Variants in CADPS2 observed in about 807,000 individuals in gnomAD.
The protein encoded by CADPS2 is calcium-dependent secretion activator 2.
Under a neutral mutation model 172.5 loss-of-function variants are expected in CADPS2, and 93 were observed. The ratio of observed to expected loss-of-function variants is 0.54; its 90% CI spans 0.46 to 0.64. The LOEUF is 0.64. CADPS2 is among the 30% of genes least tolerant of loss of function. The pLI is 0.00. For missense variants in CADPS2, 1,420 were observed against 1,565.9 expected, an observed-to-expected ratio of 0.91 and a Z score of 1.57; for synonymous variants, 546 against 555.2, an observed-to-expected ratio of 0.98 and a Z score of 0.23.
At chr7:122,732,640 C>A (rs1220023546) in intron 2 of CADPS2, among the ~76,000 whole-genome samples, 3 of 144,272 alleles carry the variant, frequency 2.1e-5, no homozygotes, top group Non-Finnish European at 3.0e-5. Flanking sequence ...GTGGGGGTGT[C>A]TTTGTAATAT....
chr7:122,487,249 A>AT (rs897283203), intron 11 of CADPS2, among the ~76,000 whole-genome samples: 7 of 151,886 alleles, frequency 4.6e-5, no homozygotes, highest in Non-Finnish European at 8.8e-5. Context: ...AACTGAAGAG[A>AT]TCCCCCCCAC....
intron 14 of CADPS2, among the ~76,000 whole-genome samples, chr7:122,453,282 A>G (rs987840490): frequency 1.3e-5 from 2 of 152,164 alleles, no homozygotes; most frequent in Admixed American, 6.5e-5. Context: ...CATAAATTAC[A>G]AAGCAGTGCA....
intron 17 of CADPS2, among the ~76,000 whole-genome samples, chr7:122,434,840 G>T (rs2050428438): frequency 1.3e-5 from 2 of 151,654 alleles, no homozygotes; most frequent in Non-Finnish European, 2.9e-5. Flanking sequence ...TTATTTAATA[G>T]CATTTATGCT....
chr7:122,570,033 G>C (rs1192647091), intron 7 of CADPS2, among the ~76,000 whole-genome samples: 2 of 150,210 alleles, frequency 1.3e-5, no homozygotes, highest in Admixed American at 6.6e-5. Context: ...TTGACAAATG[G>C]GATCTAATTA....
chr7:122,583,084 GA>G (rs879830017), intron 6 of CADPS2, among the ~76,000 whole-genome samples: 32 of 142,238 alleles, frequency 2.2e-4, no homozygotes, highest in Admixed American at 6.3e-4. Context: ...GAATGCGGAG[GA>G]AAAAAAAAAA....
intron 28 of CADPS2, among the ~76,000 whole-genome samples, chr7:122,339,308 T>C (rs1377038552): frequency 1.3e-5 from 2 of 152,140 alleles, no homozygotes; most frequent in Non-Finnish European, 2.9e-5. Flanking sequence ...AACTGTGTAT[T>C]GTGAAAGTTC....
chr7:122,866,053 G>GTGACTGGGAAT (rs777272774), intron 1 of CADPS2, among the ~76,000 whole-genome samples: 1 of 152,214 alleles, frequency 6.6e-6, no homozygotes, highest in Non-Finnish European at 1.5e-5. Context: ...TTCTGGGAAT[G>GTGACTGGGAAT]TGACTGGGAA....
At chr7:122,662,460 C>CCG (rs2080702768) in intron 3 of CADPS2, among the ~76,000 whole-genome samples, 1 of 151,522 alleles carries the variant, frequency 6.6e-6, no homozygotes, top group African/African-American at 2.4e-5. Flanking sequence ...ACTGCAACCT[C>CCG]CGCCTCCCAG....
intron 1 of CADPS2, among the ~76,000 whole-genome samples, chr7:122,743,281 T>TA (rs1366531481): frequency 1.3e-5 from 2 of 152,204 alleles, no homozygotes; most frequent in South Asian, 2.1e-4. Context: ...AAAAAACACT[T>TA]AGATTCTAGG....
chr7:122,724,840 T>G (rs977615620), intron 2 of CADPS2, among the ~76,000 whole-genome samples: 1 of 152,076 alleles, frequency 6.6e-6, no homozygotes, highest in African/African-American at 2.4e-5. Context: ...ATGAACCTTT[T>G]GGCAGTCTGT....
At chr7:122,360,630 C>T (rs921858933) in intron 27 of CADPS2, among the ~76,000 whole-genome samples, 158 bp downstream of exon 27, 18 of 152,060 alleles carry the variant, frequency 1.2e-4, no homozygotes, top group Non-Finnish European at 2.5e-4. Flanking sequence ...AATAACCTTG[C>T]TATGTCTTGT....
At chr7:122,484,449 T>C (rs1285374783) in intron 11 of CADPS2, among the ~76,000 whole-genome samples, 1 of 150,320 alleles carries the variant, frequency 6.7e-6, no homozygotes, top group Non-Finnish European at 1.5e-5. Context: ...TGGACATCCA[T>C]ATGCCATCCA....
chr7:122,387,199 G>C, intron 23 of CADPS2, 26 bp from the exon 24 acceptor site: 1 of 1,560,166 alleles, frequency 6.4e-7, no homozygotes, highest in South Asian at 1.2e-5. Flanking sequence ...TGAATTCAGA[G>C]TAAGAAATTC....
Position 122,760,888 on chromosome 7 carries a change from A to C in CADPS2, c.340-23820T>G, listed in dbSNP as rs535003229. Reference sequence around the variant, plus strand: ...AATGACGAGTTACTGGGTGCAGCACACCAACATGGCACATGTATACATATG... The same window carrying C: ...AATGACGAGTTACTGGGTGCAGCACCCCAACATGGCACATGTATACATATG... On this transcript the variant is annotated intron_variant, in intron 1 of 29. Transcript: ENST00000449022. 2.0e-5 allele frequency among the ~76,000 whole-genome samples: 3 copies of C among 151,948 alleles called. No homozygotes were observed. The East Asian group carries it at 5.9e-4, about 30-fold the overall frequency.
intron 1 of CADPS2, among the ~76,000 whole-genome samples, chr7:122,783,192 CA>C (rs1001289886): frequency 2.1e-3 from 136 of 63,484 alleles, no homozygotes; most frequent in East Asian, 2.9e-3. Flanking sequence ...GACTCCATCT[CA>C]AAAAAAAAAA....
At chr7:122,883,489 G>A (rs190466654) in intron 1 of CADPS2, among the ~76,000 whole-genome samples, 16 of 152,136 alleles carry the variant, frequency 1.1e-4, no homozygotes, top group East Asian at 7.7e-4. Flanking sequence ...AATAAACAAC[G>A]GATTAGTGAT....
At chr7:122,576,662 A>G (rs1326981403) in intron 7 of CADPS2, among the ~76,000 whole-genome samples, 2 of 152,070 alleles carry the variant, frequency 1.3e-5, no homozygotes, top group African/African-American at 2.4e-5. Flanking sequence ...TAATTCCCAT[A>G]ATCTCCATAA....
chr7:122,869,628 C>T (rs184162205), intron 1 of CADPS2, among the ~76,000 whole-genome samples: 1 of 151,838 alleles, frequency 6.6e-6, no homozygotes, highest in East Asian at 1.9e-4. Flanking sequence ...AGGAGCAACA[C>T]AAAAATATCA....
intron 8 of CADPS2, among the ~76,000 whole-genome samples, chr7:122,526,525 C>T (rs758071406): frequency 2.6e-5 from 4 of 152,008 alleles, no homozygotes; most frequent in African/African-American, 4.8e-5. Context: ...TCCTTTGACA[C>T]GAAGAACTCC....
Sources: allele counts gnomAD v4.1 joint callset (sites outside exome capture counted in the v4.1 genomes callset), GRCh38; gene constraint gnomAD v4.1.1; transcripts MANE v1.5; gene names NCBI Gene and HGNC (gene_info 2026-07-23, HGNC 2026-07-21).